Variants in CFTR observed in about 807,000 individuals in gnomAD.
CFTR encodes the protein CF transmembrane conductance regulator.
CFTR carries 181 observed loss-of-function variants against 171.6 expected under a neutral mutation model. That is an observed-to-expected ratio of 1.05 (90% CI 0.93 to 1.19). The LOEUF is 1.19. Ranked by LOEUF, CFTR falls within the 50% of genes most tolerant of loss-of-function variation. The pLI, the probability that CFTR is intolerant of heterozygous loss-of-function variation, is 0.00. For missense variants in CFTR, 1,968 were observed against 1,734.7 expected (o/e 1.13, Z -2.39); for synonymous variants, 583 against 608.0 (o/e 0.96, Z 0.60).
intron 1 of CFTR, among the ~76,000 whole-genome samples, chr7:117,500,147 G>A (rs1302234842): frequency 1.3e-5 from 2 of 151,938 alleles, no homozygotes; most frequent in Admixed American, 1.3e-4. Flanking sequence ...AAGAAAGGGT[G>A]GCTGGAGTTT....
intron 23 of CFTR, among the ~76,000 whole-genome samples, chr7:117,652,216 C>T (rs770514226): frequency 1.3e-5 from 2 of 152,112 alleles, no homozygotes; most frequent in South Asian, 4.1e-4. Flanking sequence ...TTATTCCTTA[C>T]CAGGAACATA....
At chr7:117,639,144 C>A (rs1184122512) in intron 22 of CFTR, among the ~76,000 whole-genome samples, 1 of 152,184 alleles carries the variant, frequency 6.6e-6, no homozygotes, top group Non-Finnish European at 1.5e-5. Context: ...CATGTGAAAA[C>A]ACTTTGTCCA....
intron 1 of CFTR, among the ~76,000 whole-genome samples, chr7:117,500,207 T>C (rs1013528378): frequency 6.6e-6 from 1 of 152,142 alleles, no homozygotes; most frequent in African/African-American, 2.4e-5. Flanking sequence ...GTCTGGTTTT[T>C]TTTTGTATTT....
intron 14 of CFTR, among the ~76,000 whole-genome samples, chr7:117,592,967 C>CT (rs887004125): frequency 1.3e-5 from 2 of 152,164 alleles, no homozygotes; most frequent in African/African-American, 4.8e-5. Context: ...CTTGAACCCT[C>CT]TGTGGGAAGA....
intron 1 of CFTR, among the ~76,000 whole-genome samples, chr7:117,489,932 A>G (rs2116616732): frequency 6.6e-6 from 1 of 152,136 alleles, no homozygotes; most frequent in South Asian, 2.1e-4. Flanking sequence ...CATAGTGTGA[A>G]AACCACTGAC....
chr7:117,556,773 C>T (rs1252947638), intron 10 of CFTR, among the ~76,000 whole-genome samples: 7 of 151,374 alleles, frequency 4.6e-5, no homozygotes, highest in Non-Finnish European at 8.8e-5. Context: ...CCCGCCTCGG[C>T]CTCCCAAAGT....
At chr7:117,624,161 A>T (rs1273138873) in intron 21 of CFTR, among the ~76,000 whole-genome samples, 2 of 152,182 alleles carry the variant, frequency 1.3e-5, no homozygotes, top group African/African-American at 4.8e-5. Flanking sequence ...CACGCATTCC[A>T]CTGAGTGAAA....
chr7:117,652,775 A>G, intron 23 of CFTR, 67 bp from the exon 24 acceptor site: 2 of 797,944 alleles, frequency 2.5e-6, no homozygotes, highest in East Asian at 5.4e-5. Flanking sequence ...TTTACAATAC[A>G]ATAAGGGAAA....
At chr7:117,531,907 T>C (rs1798872517) in intron 4 of CFTR, among the ~76,000 whole-genome samples, 1 of 152,164 alleles carries the variant, frequency 6.6e-6, no homozygotes, top group Admixed American at 6.6e-5. Flanking sequence ...CTTTTATCAA[T>C]GTAAAAACAT....
intron 1 of CFTR, among the ~76,000 whole-genome samples, chr7:117,496,623 G>A (rs1798244779): frequency 6.6e-6 from 1 of 152,156 alleles, no homozygotes; most frequent in Non-Finnish European, 1.5e-5. Context: ...ATAAATAATG[G>A]TGCTATGAAC....
At chr7:117,642,715 T>A in intron 23 of CFTR, 122 bp downstream of exon 23, 1 of 1,075,336 alleles carries the variant, frequency 9.3e-7, no homozygotes, top group Non-Finnish European at 1.4e-6. Context: ...ATTGCTGTCT[T>A]TTTTCTCCAG....
chr7:117,651,943 G>A (rs940860765), intron 23 of CFTR, among the ~76,000 whole-genome samples: 11 of 151,958 alleles, frequency 7.2e-5, no homozygotes, highest in African/African-American at 2.7e-4. Context: ...CTTAGTGGAT[G>A]TTATTAACCA....
At chr7:117,510,037 A>T (rs896826892) in intron 3 of CFTR, among the ~76,000 whole-genome samples, 2 of 152,152 alleles carry the variant, frequency 1.3e-5, no homozygotes, top group African/African-American at 4.8e-5. Flanking sequence ...TGAAAAATAC[A>T]TTTAAAACTT....
At chr7:117,533,978 G>A (rs528041536) in intron 4 of CFTR, among the ~76,000 whole-genome samples, 6 of 152,074 alleles carry the variant, frequency 3.9e-5, no homozygotes, top group South Asian at 2.1e-4. Context: ...AAAAACTCCC[G>A]CACAATATCA....
Position 117,540,211 on chromosome 7 carries a change from A to T in CFTR, c.981A>T (p.Leu327=), listed in dbSNP as rs200112521. The change falls in exon 8 of 27, where the codon CTA becomes CTT. Residue 327 remains leucine (L), a synonymous_variant. Coordinates refer to ENST00000003084, the MANE Select transcript of CFTR (RefSeq NM_000492.4). ...TTTTATCTGTGCTTCCCTATGCACT[A>T]ATCAAAGGAATCATCCTCCGGAAAA... ...VVFLSVLPYA[L]IKGIILRKIF... is the part of the protein sequence containing the mutation. The T allele has an allele frequency of 1.2e-6, 2 of 1,614,100 alleles. No homozygotes were observed. Among genetic ancestry groups the T allele is most frequent in the African/African-American group, 1.3e-5 (1 of 75,042 alleles).
chr7:117,666,855 C>T lies in CFTR; in HGVS notation c.4243-53C>T, dbSNP rs185664216. ...GAGCCTGTGCCAGTTTCTGTCCCTG[C>T]TCTGGTCTGACCTGCCTTCTGTCCC... On this transcript the variant is annotated intron_variant, in intron 26 of 26. Transcript: ENST00000003084. 2,809 of 1,506,956 alleles carry T rather than the reference C, an allele frequency of 1.9e-3. 80 individuals carry two copies. The South Asian group carries it at 0.029, about 15-fold the overall frequency. The allele number at this position is 1,506,956 out of a possible 1,614,324, so 93.3% of individuals were successfully genotyped here.
intron 3 of CFTR, among the ~76,000 whole-genome samples, chr7:117,512,886 T>A (rs1439971674): frequency 6.6e-6 from 1 of 152,188 alleles, no homozygotes; most frequent in Non-Finnish European, 1.5e-5. Context: ...CATATGTCAG[T>A]GCAGCCTAGG....
At chr7:117,646,011 G>A (rs1661998039) in intron 23 of CFTR, among the ~76,000 whole-genome samples, 1 of 152,124 alleles carries the variant, frequency 6.6e-6, no homozygotes, top group Non-Finnish European at 1.5e-5. Context: ...GTTTTGTGCT[G>A]AATCACTAAA....
chr7:117,590,836 T>C (rs771754203), intron 13 of CFTR, among the ~76,000 whole-genome samples: 4 of 152,072 alleles, frequency 2.6e-5, no homozygotes, highest in Non-Finnish European at 5.9e-5. Context: ...AAAATATATA[T>C]GCTAAGTGTT....
Sources: allele counts gnomAD v4.1 joint callset (sites outside exome capture counted in the v4.1 genomes callset), GRCh38; gene constraint gnomAD v4.1.1; transcripts MANE v1.5; gene names NCBI Gene and HGNC (gene_info 2026-07-23, HGNC 2026-07-21).